Variants in ADAMTS18 observed in about 807,000 individuals in gnomAD.
ADAMTS18 encodes the protein A disintegrin and metalloproteinase with thrombospondin motifs 18.
A neutral mutation model predicts 165.9 loss-of-function variants in ADAMTS18; 157 were observed. The observed-to-expected ratio is 0.95, with a 90% CI of 0.83 to 1.08. The LOEUF (loss-of-function observed/expected upper bound fraction) is 1.08, where lower values mean the gene tolerates loss of function less well. ADAMTS18 is among the 50% of genes least tolerant of loss of function. ADAMTS18 has a pLI of 0.00. For synonymous variants in ADAMTS18, 782 were observed against 578.2 expected (o/e 1.35, Z -5.06); for missense variants, 2,040 against 1,534.0 (o/e 1.33, Z -5.51).
At chr16:77,303,055 T>A (rs1401909315) in intron 16 of ADAMTS18, among the ~76,000 whole-genome samples, 24 of 152,182 alleles carry the variant, frequency 1.6e-4, no homozygotes, top group Non-Finnish European at 1.5e-5. Context: ...TTTCTCTGTG[T>A]CTGTATCCGT....
chr16:77,319,774 T>A, intron 16 of ADAMTS18, 75 bp downstream of exon 16: 6 of 1,609,002 alleles, frequency 3.7e-6, no homozygotes, highest in Non-Finnish European at 4.2e-6. Context: ...AGGACTGGAG[T>A]TCTGGCTCAA....
At chr16:77,384,951 C>A (rs2144778264) in intron 3 of ADAMTS18, among the ~76,000 whole-genome samples, 1 of 151,426 alleles carries the variant, frequency 6.6e-6, no homozygotes, top group South Asian at 2.1e-4. Flanking sequence ...GTTCTGTTGC[C>A]CAAGCTGGAA....
chr16:77,424,061 G>C (rs1209884315), intron 3 of ADAMTS18, among the ~76,000 whole-genome samples: 6 of 152,284 alleles, frequency 3.9e-5, no homozygotes, highest in African/African-American at 1.4e-4. Flanking sequence ...GAGAAAAAGA[G>C]GTACTGTTCC....
At chr16:77,297,169 G>A in intron 18 of ADAMTS18, 120 bp downstream of exon 18, 2 of 1,410,744 alleles carry the variant, frequency 1.4e-6, no homozygotes, top group Non-Finnish European at 1.0e-6. Context: ...TTAAAGTATT[G>A]CGTCTACCTT....
chr16:77,423,525 A>T (rs2057631139), intron 3 of ADAMTS18, among the ~76,000 whole-genome samples: 1 of 152,148 alleles, frequency 6.6e-6, no homozygotes, highest in Non-Finnish European at 1.5e-5. Context: ...CATAGCCCCC[A>T]TGAGAGAAGT....
chr16:77,328,942 C>T (rs1237536049), intron 12 of ADAMTS18, among the ~76,000 whole-genome samples: 3 of 152,186 alleles, frequency 2.0e-5, no homozygotes, highest in African/African-American at 7.2e-5. Context: ...CAGAGACGAG[C>T]TCAAGCTCAG....
intron 3 of ADAMTS18, among the ~76,000 whole-genome samples, chr16:77,426,378 G>A (rs2057673325): frequency 6.6e-6 from 1 of 152,088 alleles, no homozygotes; most frequent in East Asian, 1.9e-4. Context: ...AAAGAAGTTA[G>A]GGAAACTATA....
intron 16 of ADAMTS18, among the ~76,000 whole-genome samples, chr16:77,309,544 G>A (rs1189662994): frequency 2.0e-5 from 3 of 152,134 alleles, no homozygotes; most frequent in African/African-American, 4.8e-5. Flanking sequence ...AAATTGGACT[G>A]GCATGTGACT....
rs1182344268 is a variant in ADAMTS18, at chr16:77,283,822, G to C, written c.*134C>G. 11 of 720,522 alleles carry C rather than the reference G, an allele frequency of 1.5e-5. No individual in the cohort carries two copies. Among genetic ancestry groups the C allele is most frequent in the African/African-American group, 3.5e-5 (2 of 56,572 alleles). The allele number at this position is 720,522 out of a possible 1,614,324, so 44.6% of individuals were successfully genotyped here. On this transcript the variant is annotated 3_prime_UTR_variant, in exon 23 of 23. Coordinates refer to ENST00000282849, the MANE Select transcript of ADAMTS18 (RefSeq NM_199355.4). ...CTACTGGCAACCTGTCTGTTCCTCAGAGCAGGCTCCTTCATCACAGCGGCA... is the reference window on the plus strand; with the variant it reads ...CTACTGGCAACCTGTCTGTTCCTCACAGCAGGCTCCTTCATCACAGCGGCA...
chr16:77,379,053 A>G (rs1346609520), intron 3 of ADAMTS18: 2 of 152,112 alleles, frequency 1.3e-5, no homozygotes, highest in Non-Finnish European at 1.5e-5. Context: ...GAAACCATAA[A>G]TTTTTCTACC....
chr16:77,300,777 G>A (rs1383273954), intron 16 of ADAMTS18, among the ~76,000 whole-genome samples: 2 of 152,116 alleles, frequency 1.3e-5, no homozygotes, highest in Non-Finnish European at 2.9e-5. Flanking sequence ...ACCTAGCATG[G>A]TGAACACACA....
chr16:77,432,771 A>AAT (rs71382669), intron 2 of ADAMTS18, among the ~76,000 whole-genome samples: 1 of 49,780 alleles, frequency 2.0e-5, no homozygotes, highest in Non-Finnish European at 6.8e-5. Context: ...CTCCTCCAAT[A>AAT]AAAAAAAAAA....
intron 10 of ADAMTS18, among the ~76,000 whole-genome samples, chr16:77,350,298 G>T (rs1469766492): frequency 6.6e-6 from 1 of 152,162 alleles, no homozygotes; most frequent in Admixed American, 6.5e-5. Flanking sequence ...GTTGGGAAAG[G>T]AGGGGAGGAT....
At chr16:77,422,394 C>G (rs1038996078) in intron 3 of ADAMTS18, among the ~76,000 whole-genome samples, 3 of 151,408 alleles carry the variant, frequency 2.0e-5, no homozygotes, top group Non-Finnish European at 4.4e-5. Context: ...GGAAGCCAAG[C>G]AGAAGCAAGA....
intron 17 of ADAMTS18, 41 bp from the exon 18 acceptor site, chr16:77,297,456 T>C: frequency 6.3e-7 from 1 of 1,581,610 alleles, no homozygotes. Context: ...AATTACAGAT[T>C]ATTATTTCAA....
At chr16:77,377,711 C>G (rs1294843845) in intron 3 of ADAMTS18, among the ~76,000 whole-genome samples, 1 of 152,164 alleles carries the variant, frequency 6.6e-6, no homozygotes, top group Non-Finnish European at 1.5e-5. Flanking sequence ...AATTTTGAAT[C>G]TATCTGCAAC....
At chr16:77,380,583 T>C (rs2057016424) in intron 3 of ADAMTS18, among the ~76,000 whole-genome samples, 1 of 152,260 alleles carries the variant, frequency 6.6e-6, no homozygotes, top group Admixed American at 6.5e-5. Flanking sequence ...TCTTAACATC[T>C]ACTGCATACA....
Position 77,325,840 on chromosome 16 carries a change from T to C in ADAMTS18, c.2032+26A>G, listed in dbSNP as rs1001787983. On this transcript the variant is annotated intron_variant, in intron 13 of 22. Transcript: ENST00000282849. ...ACATTATTATCCACATAGAGACTTA[T>C]TTGAATGTCATAGAGACCAAATTAC... The C allele has an allele frequency of 5.0e-6, 8 of 1,597,690 alleles. No individual in the cohort carries two copies. In the Admixed American group the frequency reaches 5.0e-5, roughly 10 times the overall value.
intron 8 of ADAMTS18, among the ~76,000 whole-genome samples, chr16:77,356,810 A>G (rs1383063604): frequency 6.6e-6 from 1 of 152,114 alleles, no homozygotes; most frequent in Admixed American, 6.5e-5. Flanking sequence ...TACCTGAAGA[A>G]TTCTCAAATT....
Sources: gnomAD v4.1 joint callset for allele counts (sites outside exome capture counted in the v4.1 genomes callset) on GRCh38, gnomAD v4.1.1 for gene constraint, MANE v1.5 for transcripts, NCBI Gene and HGNC (gene_info 2026-07-23, HGNC 2026-07-21) for gene names.